SCHIP1: variants seen among roughly 807,000 people sequenced by gnomAD.
SCHIP1 encodes the protein schwannomin-interacting protein 1.
SCHIP1 carries 8 observed loss-of-function variants against 29.7 expected under a neutral mutation model. That is an observed-to-expected ratio of 0.27 (90% CI 0.16 to 0.49). SCHIP1 has a LOEUF of 0.49. Among genes scored for constraint, SCHIP1 ranks in the 20% least tolerant of loss-of-function variants. The pLI, the probability that SCHIP1 is intolerant of heterozygous loss-of-function variation, is 0.99. For synonymous variants in SCHIP1, 76 were observed against 94.9 expected, an observed-to-expected ratio of 0.80 and a Z score of 1.16; for missense variants, 193 against 294.6, an observed-to-expected ratio of 0.66 and a Z score of 2.52.
the SCHIP1 span, among the ~76,000 whole-genome samples, chr3:159,332,981 G>T: frequency 6.6e-6 from 1 of 152,178 alleles, no homozygotes; most frequent in Admixed American, 6.5e-5. Context: ...TTCAGTGCCT[G>T]TTGGAGACAC....
the SCHIP1 span, among the ~76,000 whole-genome samples, chr3:159,663,981 G>C: frequency 6.6e-6 from 1 of 151,972 alleles, no homozygotes; most frequent in Admixed American, 6.6e-5. Context: ...TCGCTAACTC[G>C]GTGTGAAAAA....
the SCHIP1 span, among the ~76,000 whole-genome samples, chr3:159,452,577 T>C: frequency 6.6e-6 from 1 of 152,224 alleles, no homozygotes. Flanking sequence ...TGGTTCCAAG[T>C]CTTTGCTATT....
the SCHIP1 span, among the ~76,000 whole-genome samples, chr3:159,770,500 C>G: frequency 6.6e-6 from 1 of 152,262 alleles, no homozygotes; most frequent in South Asian, 2.1e-4. Context: ...CTCAGGTAAT[C>G]CGCCCACCTT....
At chr3:159,446,275 G>T in the SCHIP1 span, among the ~76,000 whole-genome samples, 7 of 151,926 alleles carry the variant, frequency 4.6e-5, no homozygotes, top group African/African-American at 1.7e-4. Context: ...TATCTCTCAG[G>T]CAATAAACAT....
intron 5 of SCHIP1, among the ~76,000 whole-genome samples, chr3:159,890,321 A>G (rs1019052535): frequency 6.6e-6 from 1 of 152,208 alleles, no homozygotes; most frequent in Non-Finnish European, 1.5e-5. Flanking sequence ...AGCAGTTTGA[A>G]AATTTTCCAT....
At chr3:159,490,260 C>T in the SCHIP1 span, among the ~76,000 whole-genome samples, 1 of 152,156 alleles carries the variant, frequency 6.6e-6, no homozygotes, top group African/African-American at 2.4e-5. Context: ...CTCTTAGTTA[C>T]TTTGAAATGT....
At chr3:159,294,158 G>C in the SCHIP1 span, among the ~76,000 whole-genome samples, 3 of 152,066 alleles carry the variant, frequency 2.0e-5, no homozygotes, top group Non-Finnish European at 4.4e-5. Flanking sequence ...TTGGATCTTT[G>C]GAAACTGCTA....
the SCHIP1 span, among the ~76,000 whole-genome samples, chr3:159,718,982 A>G: frequency 1.3e-5 from 2 of 152,192 alleles, no homozygotes; most frequent in Non-Finnish European, 2.9e-5. Context: ...ACTTCAAACT[A>G]TACTACAAGC....
chr3:159,729,696 A>G, the SCHIP1 span, among the ~76,000 whole-genome samples: 1 of 152,238 alleles, frequency 6.6e-6, no homozygotes, highest in Non-Finnish European at 1.5e-5. Flanking sequence ...TGTTTAGATA[A>G]AAAGACTAAA....
At chr3:159,611,405 C>A in the SCHIP1 span, among the ~76,000 whole-genome samples, 3 of 151,962 alleles carry the variant, frequency 2.0e-5, no homozygotes, top group African/African-American at 7.3e-5. Context: ...TGGAAACCAT[C>A]ATTCTCAGCA....
At chr3:159,509,041 T>C in the SCHIP1 span, among the ~76,000 whole-genome samples, 1 of 152,158 alleles carries the variant, frequency 6.6e-6, no homozygotes. Context: ...TTCTGTCTTG[T>C]TGATCTGTCT....
At chr3:159,691,676 T>G in the SCHIP1 span, among the ~76,000 whole-genome samples, 1 of 152,202 alleles carries the variant, frequency 6.6e-6, no homozygotes, top group East Asian at 1.9e-4. Flanking sequence ...CATTAGTTGC[T>G]GCAGTTTCTT....
At chr3:159,764,388 C>A in the SCHIP1 span, 8 of 1,507,752 alleles carry the variant, frequency 5.3e-6, no homozygotes, top group Non-Finnish European at 7.1e-6. This position sits in a 1 kb window ranked among gnomAD's most constrained non-coding sequence, Gnocchi z 6.1. Flanking sequence ...GGGCGGGTGG[C>A]GGGAGGCTGG....
the SCHIP1 span, among the ~76,000 whole-genome samples, chr3:159,436,178 TC>T: frequency 6.6e-6 from 1 of 152,174 alleles, no homozygotes; most frequent in Non-Finnish European, 1.5e-5. Flanking sequence ...GCTGGAATTT[TC>T]CACACACCCA....
At chr3:159,866,857 C>G (rs1040852759) in intron 2 of SCHIP1, among the ~76,000 whole-genome samples, 1 of 151,924 alleles carries the variant, frequency 6.6e-6, no homozygotes, top group Non-Finnish European at 1.5e-5. Flanking sequence ...CTTCTAATTC[C>G]AAGTAAGATA....
At chr3:159,420,897 C>T in the SCHIP1 span, among the ~76,000 whole-genome samples, 1 of 152,148 alleles carries the variant, frequency 6.6e-6, no homozygotes, top group East Asian at 1.9e-4. Context: ...ATATGGTGTA[C>T]AACTTTTAAG....
chr3:159,460,924 A>C, the SCHIP1 span, among the ~76,000 whole-genome samples: 1 of 152,186 alleles, frequency 6.6e-6, no homozygotes, highest in Non-Finnish European at 1.5e-5. Flanking sequence ...GTAAGTTAGT[A>C]GGATGTTATT....
At chr3:159,827,156 G>A in the SCHIP1 span, among the ~76,000 whole-genome samples, 35,627 of 152,058 alleles carry the variant, frequency 0.23, 5,888 homozygotes, top group African/African-American at 0.48. Flanking sequence ...CTACTATTCA[G>A]ATGACTAAAA....
the SCHIP1 span, among the ~76,000 whole-genome samples, chr3:159,332,542 G>A: frequency 6.6e-6 from 1 of 152,116 alleles, no homozygotes; most frequent in Non-Finnish European, 1.5e-5. Context: ...GTGTTCACAG[G>A]TGGCATCTAG....
Sources: allele counts gnomAD v4.1 joint callset (sites outside exome capture counted in the v4.1 genomes callset), GRCh38; gene constraint gnomAD v4.1.1; non-coding constraint Gnocchi (gnomAD v3.1); transcripts MANE v1.5; gene names NCBI Gene and HGNC (gene_info 2026-07-23, HGNC 2026-07-21).